Variants in SSPN observed in about 807,000 individuals in gnomAD.
The protein encoded by SSPN is sarcospan, also known as K-ras oncogene-associated protein.
SSPN carries 15 observed loss-of-function variants against 19.1 expected under a neutral mutation model. The ratio of observed to expected loss-of-function variants is 0.78; its 90% CI spans 0.52 to 1.21. The LOEUF (loss-of-function observed/expected upper bound fraction) is 1.21, where lower values mean the gene tolerates loss of function less well. Among genes scored for constraint, SSPN ranks in the 50% most tolerant of loss-of-function variants. The pLI, the probability that SSPN is intolerant of heterozygous loss-of-function variation, is 0.00. For synonymous variants in SSPN, 147 were observed against 140.3 expected, an observed-to-expected ratio of 1.05 and a Z score of -0.34; for missense variants, 291 against 314.0, an observed-to-expected ratio of 0.93 and a Z score of 0.55.
chr12:26,201,600 T>C (rs1944886164), intron 1 of SSPN, among the ~76,000 whole-genome samples: 1 of 150,388 alleles, frequency 6.6e-6, no homozygotes. Flanking sequence ...CTAAATCTTC[T>C]TTTTTAAAAA....
At chr12:26,195,553 T>C, upstream of SSPN, 1 of 1,286,706 alleles carries the variant, frequency 7.8e-7, no homozygotes, top group Non-Finnish European at 9.8e-7. Flanking sequence ...CCAAATGTTT[T>C]CCATATTTGT....
At chr12:26,147,274 T>G (rs1050740208) in intron 1 of SSPN, among the ~76,000 whole-genome samples, 1 of 81,798 alleles carries the variant, frequency 1.2e-5, no homozygotes, top group Non-Finnish European at 2.9e-5. Context: ...GGGGTTTTTT[T>G]TGTGTTTTTT....
intron 1 of SSPN, among the ~76,000 whole-genome samples, chr12:26,127,098 C>G (rs1944371327): frequency 6.6e-6 from 1 of 152,136 alleles, no homozygotes; most frequent in African/African-American, 2.4e-5. Flanking sequence ...ACACCAGGTC[C>G]CCTTCTAGAT....
In SSPN at chr12:26,195,908, C is replaced by A. The variant is rs1452177140; in HGVS notation, c.236C>A (p.Ser79Tyr). The A allele has an allele frequency of 8.2e-6, 13 of 1,576,094 alleles. No homozygotes were observed. The highest frequency in any genetic ancestry group is 8.6e-7 in the Non-Finnish European group (1 of 1,163,938). ...GGCTTCCTCATGGCGAGCATCAGCT[C>A]CTCCCTGCTAGTCAGGGACACTCCA... ...VVGFLMASIS[S>Y]SLLVRDTPFW... Residue 79 changes from serine (S) to tyrosine (Y), a missense_variant, in exon 1 of 3, where the codon TCC becomes TAC. By Grantham distance (144) the Ser-to-Tyr change is moderately radical (BLOSUM62 -2). Coordinates refer to ENST00000242729, the MANE Select transcript of SSPN (RefSeq NM_005086.5).
In SSPN at chr12:26,233,194, G is replaced by T. The variant is rs1262522063; in HGVS notation, c.*2118G>T. The T allele has an allele frequency of 6.6e-6, 1 of 151,994 alleles. No homozygotes were observed. The highest frequency in any genetic ancestry group is 1.5e-5 in the Non-Finnish European group (1 of 67,998). The allele number at this position is 151,994 out of a possible 1,614,324, so 9.4% of individuals were successfully genotyped here. A position where few individuals can be genotyped will look rare whatever the true frequency, so the allele number is the denominator to read the frequency against. On this transcript the variant is annotated 3_prime_UTR_variant, in exon 3 of 3. Coordinates refer to ENST00000242729, the MANE Select transcript of SSPN (RefSeq NM_005086.5). The surrounding 1 kb of genome is among the most constrained non-coding windows in gnomAD (Gnocchi z 4.3). ...TTAAGACTCTGTATATCCTTAAGGT[G>T]CTCTATGCTTTACCAGTAATTCACA...
intron 1 of SSPN, among the ~76,000 whole-genome samples, chr12:26,199,148 G>C: frequency 6.6e-6 from 1 of 152,194 alleles, no homozygotes; most frequent in East Asian, 1.9e-4. Flanking sequence ...GGATATATGG[G>C]TAAATCCACT....
chr12:26,147,384 GC>G (rs1237172037), intron 1 of SSPN, among the ~76,000 whole-genome samples: 7 of 151,254 alleles, frequency 4.6e-5, no homozygotes, highest in African/African-American at 1.7e-4. Context: ...TGATTCCCCT[GC>G]CTCAGCCTCC....
At chr12:26,139,073 T>G (rs909098684) in intron 1 of SSPN, among the ~76,000 whole-genome samples, 1 of 152,184 alleles carries the variant, frequency 6.6e-6, no homozygotes, top group Non-Finnish European at 1.5e-5. Context: ...TGTGCCTGTG[T>G]GCATGTGTGT....
chr12:26,223,487 G>A (rs1945144451), intron 1 of SSPN, among the ~76,000 whole-genome samples: 1 of 145,844 alleles, frequency 6.9e-6, no homozygotes, highest in Admixed American at 7.2e-5. Flanking sequence ...TGGGATGACA[G>A]GCATGAGGCA....
rs557311926 is a variant in SSPN, at chr12:26,130,816, C to T, written c.-31+8664C>T. 2.6e-4 allele frequency among the ~76,000 whole-genome samples: 39 copies of T among 152,256 alleles called. 1 individual carries two copies. The highest frequency in any genetic ancestry group is 9.1e-4 in the African/African-American group (38 of 41,540). ...ACCAGCGTCTATCTGCAAGATCACC[C>T]CATGGTCAGAAGATGGCTGCAGGAA... On this transcript the variant is annotated intron_variant, in intron 1 of 2. Coordinates refer to the SSPN transcript ENST00000538142.
At chr12:26,196,636 C>A (rs1349171294) in intron 1 of SSPN, among the ~76,000 whole-genome samples, 2 of 152,202 alleles carry the variant, frequency 1.3e-5, no homozygotes, top group African/African-American at 4.8e-5. Flanking sequence ...ATGTAGCATA[C>A]TTGGCTTGAT....
At chr12:26,182,560 G>A (rs530254652) in intron 1 of SSPN, among the ~76,000 whole-genome samples, 2 of 147,472 alleles carry the variant, frequency 1.4e-5, no homozygotes, top group South Asian at 4.3e-4. Flanking sequence ...TCTGGACCCC[G>A]TCTCCCTTCC....
chr12:26,225,123 T>C (rs1352255615), intron 2 of SSPN, among the ~76,000 whole-genome samples: 1 of 152,138 alleles, frequency 6.6e-6, no homozygotes, highest in South Asian at 2.1e-4. Flanking sequence ...TAATCTTTTT[T>C]TTTTTAATTT....
At chr12:26,161,107 CAAAAAAA>C (rs35876807) in intron 1 of SSPN, among the ~76,000 whole-genome samples, 2 of 97,936 alleles carry the variant, frequency 2.0e-5, no homozygotes, top group Non-Finnish European at 4.1e-5. Context: ...GACTCTGTCT[CAAAAAAA>C]AAAAAAAAAA....
chr12:26,168,196 G>C (rs953943922), intron 1 of SSPN, among the ~76,000 whole-genome samples: 4 of 134,884 alleles, frequency 3.0e-5, no homozygotes, highest in Admixed American at 1.6e-4. Flanking sequence ...CTGGGCAACA[G>C]AGTGAGACCC....
chr12:26,137,758 C>G (rs2729629), intron 1 of SSPN, among the ~76,000 whole-genome samples: 117,765 of 144,300 alleles, frequency 0.82, 51,678 homozygotes, highest in Non-Finnish European at 0.96. Flanking sequence ...GCCACCTCCT[C>G]TTTTCAAGCG....
At chr12:26,218,145 T>G (rs900279852) in intron 1 of SSPN, among the ~76,000 whole-genome samples, 2 of 148,234 alleles carry the variant, frequency 1.3e-5, no homozygotes, top group Admixed American at 1.4e-4. Context: ...CCATTAAAAA[T>G]GATGAGTTCA....
intron 1 of SSPN, among the ~76,000 whole-genome samples, chr12:26,158,525 G>A (rs528400077): frequency 3.9e-5 from 6 of 152,342 alleles, no homozygotes; most frequent in Middle Eastern, 3.4e-3. Context: ...TCTGAGTGAC[G>A]GGAACTCCTA....
In SSPN at chr12:26,226,808, C is replaced by T. The variant is rs181383852; in HGVS notation, c.366+2429C>T. 3.9e-5 allele frequency among the ~76,000 whole-genome samples: 6 copies of T among 152,308 alleles called. No homozygotes were observed. The East Asian group carries it at 1.2e-3, about 29-fold the overall frequency. On this transcript the variant is annotated intron_variant, in intron 2 of 2. Coordinates refer to ENST00000242729, the MANE Select transcript of SSPN (RefSeq NM_005086.5). ...CCTGGGCTGCTTGCGGCAGCCTCCTCCCGAGCAGTGCGCTGCAGAAGGGCC... is the reference window on the plus strand; with the variant it reads ...CCTGGGCTGCTTGCGGCAGCCTCCTTCCGAGCAGTGCGCTGCAGAAGGGCC...
Sources: gnomAD v4.1 joint callset for allele counts (sites outside exome capture counted in the v4.1 genomes callset) on GRCh38, gnomAD v4.1.1 for gene constraint, Gnocchi (gnomAD v3.1) non-coding constraint, MANE v1.5 for transcripts, NCBI Gene and HGNC (gene_info 2026-07-23, HGNC 2026-07-21) for gene names.